ST6GALNAC5: variants seen among roughly 807,000 people sequenced by gnomAD.
ST6GALNAC5 encodes the protein alpha-N-acetylgalactosaminide alpha-2,6-sialyltransferase 5.
ST6GALNAC5 carries 27 observed loss-of-function variants against 33.6 expected under a neutral mutation model. That is an observed-to-expected ratio of 0.80 (90% CI 0.59 to 1.11). ST6GALNAC5 has a LOEUF of 1.11. Among genes scored for constraint, ST6GALNAC5 ranks in the 50% least tolerant of loss-of-function variants. The pLI, the probability that ST6GALNAC5 is intolerant of heterozygous loss-of-function variation, is 0.00. For missense variants in ST6GALNAC5, 428 were observed against 454.0 expected, an observed-to-expected ratio of 0.94 and a Z score of 0.52; for synonymous variants, 194 against 171.2, an observed-to-expected ratio of 1.13 and a Z score of -1.04.
intron 2 of ST6GALNAC5, among the ~76,000 whole-genome samples, chr1:77,011,481 A>G (rs1447599091): frequency 6.6e-6 from 1 of 152,190 alleles, no homozygotes; most frequent in Non-Finnish European, 1.5e-5. Context: ...ATATATCCCA[A>G]GTGATTCAAG....
chr1:76,922,511 A>G (rs1647043601), intron 2 of ST6GALNAC5, among the ~76,000 whole-genome samples: 1 of 152,190 alleles, frequency 6.6e-6, no homozygotes, highest in African/African-American at 2.4e-5. Context: ...TAAAATGTAT[A>G]TGGAAAGGCA....
chr1:76,925,200 G>A (rs1282117216), intron 2 of ST6GALNAC5, among the ~76,000 whole-genome samples: 1 of 151,984 alleles, frequency 6.6e-6, no homozygotes, highest in African/African-American at 2.4e-5. Context: ...ATGGTGTTAA[G>A]CCACTCATGA....
At chr1:76,940,294 T>C (rs1234410511) in intron 2 of ST6GALNAC5, among the ~76,000 whole-genome samples, 1 of 152,004 alleles carries the variant, frequency 6.6e-6, no homozygotes, top group African/African-American at 2.4e-5. Flanking sequence ...GTTCAATAAA[T>C]GTTTATTGTT....
intron 2 of ST6GALNAC5, among the ~76,000 whole-genome samples, chr1:76,947,478 G>A (rs977540294): frequency 2.0e-5 from 3 of 152,120 alleles, no homozygotes; most frequent in Non-Finnish European, 4.4e-5. Context: ...GTTCACACCT[G>A]TAATCCCAGC....
chr1:76,978,435 C>T (rs558142694), intron 2 of ST6GALNAC5, among the ~76,000 whole-genome samples: 10 of 152,200 alleles, frequency 6.6e-5, no homozygotes, highest in South Asian at 2.1e-4. Flanking sequence ...TCACCATGAT[C>T]AACTGATTCA....
intron 2 of ST6GALNAC5, among the ~76,000 whole-genome samples, chr1:76,968,330 T>G (rs1296889777): frequency 1.3e-5 from 2 of 152,208 alleles, no homozygotes; most frequent in Admixed American, 1.3e-4. Flanking sequence ...CCTTTGCCAT[T>G]ATGTAATGGC....
chr1:77,005,512 C>T (rs4949647), intron 2 of ST6GALNAC5, among the ~76,000 whole-genome samples: 227 of 152,328 alleles, frequency 1.5e-3, no homozygotes, highest in South Asian at 2.9e-3. Context: ...CTTGGCTCCT[C>T]CTCTCAGGTT....
rs1347817299 is a variant in ST6GALNAC5, at chr1:77,064,129, G to A, written c.*923G>A. On this transcript the variant is annotated 3_prime_UTR_variant, in exon 5 of 5. Transcript: ENST00000477717. ...TCTCTTGAGCCCTAGTTTCCTTTTTGGCAGAATGATGTCACTGTACCAGAC... is the reference window on the plus strand; with the variant it reads ...TCTCTTGAGCCCTAGTTTCCTTTTTAGCAGAATGATGTCACTGTACCAGAC... 6.6e-6 allele frequency: 1 copy of A among 151,976 alleles called. No homozygotes were observed. The highest frequency in any genetic ancestry group is 1.5e-5 in the Non-Finnish European group (1 of 67,994). The allele number at this position is 151,976 out of a possible 1,614,324, so 9.4% of individuals were successfully genotyped here.
chr1:76,915,396 A>T (rs1646960248), intron 2 of ST6GALNAC5, among the ~76,000 whole-genome samples: 1 of 152,188 alleles, frequency 6.6e-6, no homozygotes, highest in Non-Finnish European at 1.5e-5. Context: ...ATGCACACGT[A>T]TGTTTATTGC....
intron 2 of ST6GALNAC5, among the ~76,000 whole-genome samples, chr1:76,958,123 G>A (rs1037873653): frequency 7.2e-5 from 11 of 152,170 alleles, no homozygotes; most frequent in Non-Finnish European, 1.5e-4. Context: ...GGCTCATGAT[G>A]CCCGTTTGCT....
At chr1:76,934,740 C>T (rs1647181513) in intron 2 of ST6GALNAC5, among the ~76,000 whole-genome samples, 2 of 151,936 alleles carry the variant, frequency 1.3e-5, no homozygotes, top group Non-Finnish European at 2.9e-5. Flanking sequence ...TAGTTATTAA[C>T]TGACTAAATG....
In ST6GALNAC5 at chr1:77,061,298, TAAGAGGAGAAA is replaced by T. The variant is rs761363194; in HGVS notation, c.780-1676_780-1666del. On this transcript the variant is annotated intron_variant, in intron 4 of 4. Coordinates refer to ENST00000477717, the MANE Select transcript of ST6GALNAC5 (RefSeq NM_030965.3). ...CTCTCTTCCTGGAAGAACTTTAACCTAAGAGGAGAAACAGCTCAAAGGTTTATTGTTGTCAG... is the reference window on the plus strand; with the variant it reads ...CTCTCTTCCTGGAAGAACTTTAACCTCAGCTCAAAGGTTTATTGTTGTCAG... Among the ~76,000 whole-genome samples the T allele has an allele frequency of 6.3e-3, 963 of 152,264 alleles. 4 individuals carry two copies. The highest frequency in any genetic ancestry group is 1.0e-2 in the Non-Finnish European group (677 of 68,006).
At chr1:76,948,626 A>AGAGAGAGAGAGAGAGAGAGAGAGAGAGAG (rs56311943) in intron 2 of ST6GALNAC5, among the ~76,000 whole-genome samples, 1 of 148,248 alleles carries the variant, frequency 6.7e-6, no homozygotes, top group African/African-American at 2.5e-5. Flanking sequence ...AGAGAGAGAG[A>AGAGAGAGAGAGAGAGAGAGAGAGAGAGAG]ACTACTGAAA....
At chr1:77,043,606 C>T (rs1180810579) in intron 2 of ST6GALNAC5, among the ~76,000 whole-genome samples, 1 of 152,208 alleles carries the variant, frequency 6.6e-6, no homozygotes, top group Non-Finnish European at 1.5e-5. Flanking sequence ...TTACAATCAG[C>T]ATGTCATTTC....
At chr1:76,969,225 AC>A (rs1648632928) in intron 2 of ST6GALNAC5, among the ~76,000 whole-genome samples, 1 of 152,194 alleles carries the variant, frequency 6.6e-6, no homozygotes, top group Non-Finnish European at 1.5e-5. Flanking sequence ...CATTGTCTGA[AC>A]CAGGAAGTGC....
intron 2 of ST6GALNAC5, among the ~76,000 whole-genome samples, chr1:76,925,291 A>G (rs921152006): frequency 1.4e-4 from 21 of 152,028 alleles, no homozygotes; most frequent in Non-Finnish European, 3.1e-4. Flanking sequence ...TGAGATTTGG[A>G]GGGCACAAAT....
Position 77,064,698 on chromosome 1 carries a change from CTT to C in ST6GALNAC5, c.*1493_*1494del, listed in dbSNP as rs1443424228. On this transcript the variant is annotated 3_prime_UTR_variant, in exon 5 of 5. Transcript: ENST00000477717. The stretch of plus-strand genomic sequence containing the variant: ...AAGTAATATTGTTCAAAAATAGTCT[CTT>C]ATAAATATACTAGTGTTTTCTTTAC... 6.6e-6 allele frequency: 1 copy of C among 152,148 alleles called. No homozygotes were observed. Among genetic ancestry groups the C allele is most frequent in the Non-Finnish European group, 1.5e-5 (1 of 68,020 alleles). The allele number at this position is 152,148 out of a possible 1,614,324, so 9.4% of individuals were successfully genotyped here. A position where few individuals can be genotyped will look rare whatever the true frequency, so the allele number is the denominator to read the frequency against.
chr1:76,887,956 A>C (rs1653933256), intron 2 of ST6GALNAC5, among the ~76,000 whole-genome samples: 1 of 152,166 alleles, frequency 6.6e-6, no homozygotes, highest in Non-Finnish European at 1.5e-5. Flanking sequence ...ACTGTGAAGC[A>C]GTGACTAGCT....
intron 2 of ST6GALNAC5, among the ~76,000 whole-genome samples, chr1:76,966,156 A>G (rs549878622): frequency 2.0e-5 from 3 of 152,104 alleles, no homozygotes; most frequent in Non-Finnish European, 4.4e-5. Flanking sequence ...TTGGTAGCTT[A>G]ATGGGGATGG....
Sources: allele counts gnomAD v4.1 joint callset (sites outside exome capture counted in the v4.1 genomes callset), GRCh38; gene constraint gnomAD v4.1.1; transcripts MANE v1.5; gene names NCBI Gene and HGNC (gene_info 2026-07-23, HGNC 2026-07-21).